Variants in ZNF827 observed in about 807,000 individuals in gnomAD.
The protein encoded by ZNF827 is zinc finger protein 827.
Under a neutral mutation model 102.4 loss-of-function variants are expected in ZNF827, and 13 were observed. That is an observed-to-expected ratio of 0.13 (90% CI 0.08 to 0.20). The LOEUF is 0.20. Ranked by LOEUF, ZNF827 falls within the 10% of genes least tolerant of loss-of-function variation. ZNF827 has a pLI of 1.00. For synonymous variants in ZNF827, 523 were observed against 536.2 expected (o/e 0.98, Z 0.34); for missense variants, 1,103 against 1,344.4 (o/e 0.82, Z 2.81).
chr4:145,928,489 A>G (rs780889439), intron 1 of ZNF827, among the ~76,000 whole-genome samples: 4 of 152,190 alleles, frequency 2.6e-5, no homozygotes, highest in Admixed American at 1.3e-4. Flanking sequence ...ATGAATTCAC[A>G]CCTCAAGTGT....
rs187946843 is a variant in ZNF827, at chr4:145,934,476, C to T, written c.43+3889G>A. ...GGCTAACCCATCTCCAAAGCTAATT[C>T]GGTTCTGAACAGTCCCATGGGTGTC... On this transcript the variant is annotated intron_variant, in intron 1 of 14. Transcript: ENST00000508784. Among the ~76,000 whole-genome samples, 454 of 152,314 alleles carry T rather than the reference C, an allele frequency of 3.0e-3. 5 individuals carry two copies. The highest frequency in any genetic ancestry group is 0.01 in the Middle Eastern group (3 of 294).
chr4:145,905,537 T>C (rs558241003), intron 1 of ZNF827, among the ~76,000 whole-genome samples: 5 of 152,238 alleles, frequency 3.3e-5, no homozygotes, highest in Non-Finnish European at 7.3e-5. Flanking sequence ...ATCTGCCACA[T>C]TTCCTCCTTC....
intron 5 of ZNF827, among the ~76,000 whole-genome samples, chr4:145,857,608 TAAC>T (rs1353165722): frequency 6.6e-6 from 1 of 152,200 alleles, no homozygotes; most frequent in Non-Finnish European, 1.5e-5. Flanking sequence ...CCCTCAAACA[TAAC>T]AAATTCTGCA....
chr4:145,905,480 C>T (rs978231204), intron 1 of ZNF827, among the ~76,000 whole-genome samples: 3 of 152,098 alleles, frequency 2.0e-5, no homozygotes, highest in African/African-American at 7.2e-5. Context: ...GGAAAAAAAG[C>T]AGATTAAATT....
At chr4:145,766,227 G>A (rs890146973) in intron 11 of ZNF827, among the ~76,000 whole-genome samples, 3 of 152,132 alleles carry the variant, frequency 2.0e-5, no homozygotes, top group Admixed American at 2.0e-4. Context: ...CTCTTCATCA[G>A]TACTCGGGAC....
Position 145,861,866 on chromosome 4 carries a change from G to A in ZNF827, c.1981+8379C>T, listed in dbSNP as rs74379674. Among the ~76,000 whole-genome samples the A allele has an allele frequency of 5.1e-4, 78 of 152,280 alleles. No individual in the cohort carries two copies. In the East Asian group the frequency reaches 7.5e-3, roughly 15 times the overall value. Reference sequence around the variant, plus strand: ...GGAACACAAGCCAATACAAATTTTCGTGGCTATATTAACATATGCAGCTAT... The same window carrying A: ...GGAACACAAGCCAATACAAATTTTCATGGCTATATTAACATATGCAGCTAT... On this transcript the variant is annotated intron_variant, in intron 5 of 14. Coordinates refer to ENST00000508784, the MANE Select transcript of ZNF827 (RefSeq NM_001306215.2).
chr4:145,813,025 A>C (rs989359370), intron 8 of ZNF827, among the ~76,000 whole-genome samples: 3 of 152,180 alleles, frequency 2.0e-5, no homozygotes, highest in African/African-American at 4.8e-5. Flanking sequence ...TTGCCATCCC[A>C]TTCTGTCCTA....
chr4:145,758,514 A>C lies in ZNF827; in HGVS notation c.*3102T>G, dbSNP rs1734135496. 1 of 152,222 alleles carries C rather than the reference A, an allele frequency of 6.6e-6. No homozygotes were observed. The highest frequency in any genetic ancestry group is 1.5e-5 in the Non-Finnish European group (1 of 68,048). 9.4% of individuals were successfully genotyped at this position (152,222 alleles called of 1,614,324 possible). On this transcript the variant is annotated 3_prime_UTR_variant, in exon 15 of 15. Transcript: ENST00000508784. The stretch of plus-strand genomic sequence containing the variant: ...TCTTTCCTGTCATCACTGAACTTGT[A>C]GTTTTGAAAACACATTATTAGCCAA...
intron 7 of ZNF827, among the ~76,000 whole-genome samples, chr4:145,828,397 G>A (rs766297201): frequency 4.6e-5 from 7 of 152,106 alleles, no homozygotes; most frequent in Admixed American, 1.3e-4. Flanking sequence ...AGGAGGAGGT[G>A]GAAATTAACA....
intron 7 of ZNF827, chr4:145,833,225 A>T (rs1210044192): frequency 1.3e-5 from 2 of 156,886 alleles, no homozygotes; most frequent in African/African-American, 4.8e-5. Flanking sequence ...TCTCCTTTCA[A>T]TCTTGGCGCC....
chr4:145,823,538 A>C lies in ZNF827; in HGVS notation c.2280-13T>G. The C allele has an allele frequency of 5.2e-5, 54 of 1,040,102 alleles. No individual in the cohort carries two copies. Among genetic ancestry groups the C allele is most frequent in the Non-Finnish European group, 6.9e-5 (47 of 679,304 alleles). 64.4% of individuals were successfully genotyped at this position (1,040,102 alleles called of 1,614,324 possible). A position where few individuals can be genotyped will look rare whatever the true frequency, so the allele number is the denominator to read the frequency against. ...TGAAAAGAAAGGGCTGGGGTGGGGG[A>C]GGGGGAGTGAAGTTTAGTAAATTAA... On this transcript the variant is annotated splice_polypyrimidine_tract_variant and intron_variant, in intron 7 of 14. Transcript: ENST00000508784.
rs562394707 is a variant in ZNF827, at chr4:145,875,263, G to A, written c.1748-4785C>T. Among the ~76,000 whole-genome samples, 18 of 152,266 alleles carry A rather than the reference G, an allele frequency of 1.2e-4. No individual in the cohort carries two copies. In the South Asian group the frequency reaches 3.7e-3, roughly 32 times the overall value. ...CTTCCATCAATCACAGGAGACAGATGTTATTACTATCTTCATTTTACAGGT... is the reference window on the plus strand; with the variant it reads ...CTTCCATCAATCACAGGAGACAGATATTATTACTATCTTCATTTTACAGGT... On this transcript the variant is annotated intron_variant, in intron 4 of 14. Coordinates refer to ENST00000508784, the MANE Select transcript of ZNF827 (RefSeq NM_001306215.2).
chr4:145,849,453 C>T lies in ZNF827; in HGVS notation c.2090G>A (p.Ser697Asn). Residue 697 changes from serine (S) to asparagine (N), a missense_variant, in exon 6 of 15, where the codon AGC becomes AAC. By Grantham distance (46) the Ser-to-Asn change is conservative. This residue lies in a region of ZNF827 where 243 missense variants were observed against 251.6 expected (regional missense o/e 0.97). Coordinates refer to ENST00000508784, the MANE Select transcript of ZNF827 (RefSeq NM_001306215.2). The stretch of plus-strand genomic sequence containing the variant: ...GGTTTTCTCTCGCCCGATTAAAGTG[C>T]TGTAGCCAACATTCCGGCTGGGTGA... ...SISPSRNVGY[S>N]TLIGREKTEP... 1 of 1,614,144 alleles carries T rather than the reference C, an allele frequency of 6.2e-7. No individual in the cohort carries two copies. Among genetic ancestry groups the T allele is most frequent in the Non-Finnish European group, 8.5e-7 (1 of 1,180,030 alleles).
chr4:145,841,703 C>T (rs1745437372), intron 7 of ZNF827, among the ~76,000 whole-genome samples: 1 of 152,132 alleles, frequency 6.6e-6, no homozygotes, highest in African/African-American at 2.4e-5. Context: ...ATCTAAAGGA[C>T]TGATTCAATG....
rs749518039 is a variant in ZNF827 at position 145,903,144 on chromosome 4, T to C, written c.115A>G (p.Thr39Ala). The change falls in exon 2 of 15, where the codon ACT (threonine) becomes GCT (alanine). Residue 39 changes from threonine to alanine, a missense_variant. Transcript: ENST00000508784. ...TCCCCATAGGATGCTTCTGACGGAG[T>C]CTCTGAAGAGTTTCCATACCAGTGT... ...GEHWYGNSSE[T>A]PSEASYGEVQ... The C allele has an allele frequency of 2.5e-6, 4 of 1,614,004 alleles. No individual in the cohort carries two copies. In the African/African-American group the frequency reaches 5.3e-5, roughly 22 times the overall value.
intron 5 of ZNF827, among the ~76,000 whole-genome samples, chr4:145,865,329 C>T (rs1219988345): frequency 2.6e-5 from 4 of 152,146 alleles, no homozygotes; most frequent in Non-Finnish European, 5.9e-5. Context: ...GTAAAATGTA[C>T]ATTTAATAGA....
chr4:145,814,057 C>G (rs1252907495), intron 8 of ZNF827, among the ~76,000 whole-genome samples: 2 of 152,168 alleles, frequency 1.3e-5, no homozygotes, highest in Non-Finnish European at 2.9e-5. Flanking sequence ...CCGGAAACCC[C>G]AAATCCGAAA....
At chr4:145,819,832 G>A (rs1381288988) in intron 8 of ZNF827, 1 of 152,210 alleles carries the variant, frequency 6.6e-6, no homozygotes, top group East Asian at 1.9e-4. Context: ...AAGTGAAAAT[G>A]TTAGGTCTTG....
chr4:145,862,897 G>A (rs1747866479), intron 5 of ZNF827, among the ~76,000 whole-genome samples: 1 of 152,044 alleles, frequency 6.6e-6, no homozygotes, highest in Admixed American at 6.6e-5. Context: ...GAGATAAAAT[G>A]GACCTCATCA....
Sources: allele counts gnomAD v4.1 joint callset (sites outside exome capture counted in the v4.1 genomes callset), GRCh38; gene constraint gnomAD v4.1.1; regional missense constraint gnomAD v4.1.1; transcripts MANE v1.5; gene names NCBI Gene and HGNC (gene_info 2026-07-23, HGNC 2026-07-21).